The following PNLDC1 variants were observed in gnomAD, a reference collection of about 807,000 sequenced individuals.
PNLDC1 encodes poly(A)-specific ribonuclease PNLDC1.
In PNLDC1, 70 loss-of-function variants were observed where a neutral mutation model predicts 82.0. That is an observed-to-expected ratio of 0.85 (90% CI 0.70 to 1.04). The LOEUF is 1.04. Among genes scored for constraint, PNLDC1 ranks in the 50% least tolerant of loss-of-function variants. The pLI is 0.00. For missense variants in PNLDC1, 631 were observed against 661.1 expected (o/e 0.95, Z 0.50); for synonymous variants, 280 against 249.3 (o/e 1.12, Z -1.16).
intron 7 of PNLDC1, among the ~76,000 whole-genome samples, chr6:159,807,256 C>G (rs184784424): frequency 6.6e-6 from 1 of 152,250 alleles, no homozygotes; most frequent in Non-Finnish European, 1.5e-5. Context: ...GTTTCACAAT[C>G]ATTTTCTCAA....
At chr6:159,820,366 G>C (rs1781998516) in intron 18 of PNLDC1, 88 bp from the exon 19 acceptor site, 3 of 1,253,008 alleles carry the variant, frequency 2.4e-6, no homozygotes, top group Non-Finnish European at 3.5e-6. Context: ...TGAGTGCACG[G>C]GGCTGGGAAG....
At chr6:159,816,117 C>CCCACAACCCTCCCCACCCACCCG in intron 13 of PNLDC1, 84 bp downstream of exon 13, 5 of 1,028,538 alleles carry the variant, frequency 4.9e-6, no homozygotes, top group Non-Finnish European at 6.9e-6. Context: ...CCCTGGTTCC[C>CCCACAACCCTCCCCACCCACCCG]CCACACCCCT....
chr6:159,818,722 T>C (rs1364085477), intron 16 of PNLDC1, 68 bp downstream of exon 16: 14 of 1,468,724 alleles, frequency 9.5e-6, no homozygotes, highest in Middle Eastern at 1.7e-4. Flanking sequence ...AAGCGGCCAG[T>C]GCTCTCTGGG....
Position 159,800,772 on chromosome 6 carries a change from G to A in PNLDC1, c.77G>A (p.Gly26Asp), listed in dbSNP as rs751115180. ...CTGCTATTTTTTGCCTTCCTGGCAG[G>A]TCTGGACATAGAGTTCACGGGCCTT... ...QELVQEADFV[G>D]LDIEFTGLRS... Residue 26 changes from glycine to aspartate, a missense_variant and splice_region_variant, in exon 2 of 19, where the codon GGT becomes GAT. Physicochemically the swap from Gly to Asp is moderately conservative, Grantham distance 94. Coordinates refer to ENST00000392167, the MANE Select transcript of PNLDC1 (RefSeq NM_001271862.2). The A allele has an allele frequency of 1.9e-6, 3 of 1,614,222 alleles. No homozygotes were observed. Among genetic ancestry groups the A allele is most frequent in the Non-Finnish European group, 2.5e-6 (3 of 1,180,042 alleles).
rs537508425 is a variant in PNLDC1 at position 159,808,901 on chromosome 6, A to G, written c.639+85A>G. 173 of 1,591,480 alleles carry G rather than the reference A, an allele frequency of 1.1e-4. 2 individuals are homozygous for G. In the South Asian group the frequency reaches 1.5e-3, roughly 14 times the overall value. On this transcript the variant is annotated intron_variant, in intron 8 of 18. Coordinates refer to ENST00000392167, the MANE Select transcript of PNLDC1 (RefSeq NM_001271862.2). ...CAAATCTGGCCTCTGAAAAGCTTTT[A>G]TCTTGCACGCTGCTAGTTTTTCCCC... is the stretch of plus-strand genomic sequence containing the variant.
rs765662328 is a variant in PNLDC1, at chr6:159,804,054, A to G, written c.338A>G (p.Gln113Arg). The G allele has an allele frequency of 8.7e-6, 14 of 1,614,030 alleles. No individual in the cohort carries two copies. The highest frequency in any genetic ancestry group is 1.3e-5 in the African/African-American group (1 of 74,918). The change falls in exon 5 of 19, where the codon CAG becomes CGG. Residue 113 changes from glutamine to arginine, a missense_variant. Physicochemically the swap from Gln to Arg is conservative, Grantham distance 43. Coordinates refer to ENST00000392167, the MANE Select transcript of PNLDC1 (RefSeq NM_001271862.2). ...SEFSFQASSV[Q>R]FLNQYGFNYN... Reference sequence around the variant, plus strand: ...TTCTCCTTCCAGGCTTCCAGTGTTCAGTTTTTGAATCAGTATGGCTTCAAC... The same window carrying G: ...TTCTCCTTCCAGGCTTCCAGTGTTCGGTTTTTGAATCAGTATGGCTTCAAC...
chr6:159,800,291 CG>C lies in PNLDC1; in HGVS notation c.-16del. 6.5e-7 allele frequency: 1 copy of C among 1,543,570 alleles called. No homozygotes were observed. Among genetic ancestry groups the C allele is most frequent in the Non-Finnish European group, 8.7e-7 (1 of 1,143,178 alleles). On this transcript the variant is annotated 5_prime_UTR_variant, in exon 1 of 19. Coordinates refer to ENST00000392167, the MANE Select transcript of PNLDC1 (RefSeq NM_001271862.2). ...AGCACGTGATAGCGCTGGGCGACTC[CG>C]CGGAGCTGCACGGCCATGGACGTGG...
intron 11 of PNLDC1, among the ~76,000 whole-genome samples, chr6:159,813,216 T>C (rs1459156916): frequency 6.6e-6 from 1 of 152,182 alleles, no homozygotes; most frequent in Non-Finnish European, 1.5e-5. Flanking sequence ...CTATGAACTT[T>C]TAGGATTTAG....
At position 159,815,984 on chromosome 6, in the gene PNLDC1, C is replaced by A; in HGVS notation, c.1011C>A (p.Thr337=). 1 of 1,613,382 alleles carries A rather than the reference C, an allele frequency of 6.2e-7. No individual in the cohort carries two copies. Among genetic ancestry groups the A allele is most frequent in the South Asian group, 1.1e-5 (1 of 91,064 alleles). The change falls in exon 13 of 19, where the codon ACC becomes ACA. Residue 337 remains threonine (T), a synonymous_variant. Transcript: ENST00000392167. ...TTTCCAATAGTGACTTGAATCCCAC[C>A]AAGAATTCTGGACCAGAGATTGTTC... ...YEVLNSDLNP[T]KNSGPEIVHA...
intron 3 of PNLDC1, among the ~76,000 whole-genome samples, chr6:159,802,189 A>G (rs1160648903): frequency 1.3e-5 from 2 of 152,254 alleles, no homozygotes; most frequent in Non-Finnish European, 2.9e-5. Flanking sequence ...TTAGCTGTAG[A>G]GAATACATGA....
intron 4 of PNLDC1, 159 bp downstream of exon 4, chr6:159,803,469 C>A: frequency 4.6e-6 from 3 of 648,180 alleles, no homozygotes; most frequent in Non-Finnish European, 8.0e-6. Context: ...TCTGCGGATT[C>A]CAGCTTGTCT....
intron 5 of PNLDC1, 63 bp downstream of exon 5, chr6:159,804,151 C>G (rs531113510): frequency 6.3e-7 from 1 of 1,577,750 alleles, no homozygotes; most frequent in South Asian, 1.1e-5. Flanking sequence ...GAGTCTCGCT[C>G]TGTTGCCCAG....
chr6:159,811,138 A>G (rs1458965914), intron 10 of PNLDC1, among the ~76,000 whole-genome samples: 1 of 152,232 alleles, frequency 6.6e-6, no homozygotes, highest in Non-Finnish European at 1.5e-5. Context: ...ACCAAAAGGA[A>G]AAGAACTGCG....
In PNLDC1 at chr6:159,803,391, G is replaced by A. The variant is rs1015319620; in HGVS notation, c.248+81G>A. On this transcript the variant is annotated intron_variant, in intron 4 of 18. Coordinates refer to ENST00000392167, the MANE Select transcript of PNLDC1 (RefSeq NM_001271862.2). Reference sequence around the variant, plus strand: ...GCCACCTTCAAATTCTGCCTCAGGTGCCCCGATCACTTTTGCCCTGGATCT... The same window carrying A: ...GCCACCTTCAAATTCTGCCTCAGGTACCCCGATCACTTTTGCCCTGGATCT... 8 of 1,341,436 alleles carry A rather than the reference G, an allele frequency of 6.0e-6. No homozygotes were observed. In the African/African-American group the frequency reaches 7.2e-5, roughly 12 times the overall value. The allele number at this position is 1,341,436 out of a possible 1,614,324, so 83.1% of individuals were successfully genotyped here. A position where few individuals can be genotyped will look rare whatever the true frequency, so the allele number is the denominator to read the frequency against.
In PNLDC1 at chr6:159,803,998, C is replaced by G; in HGVS notation, c.282C>G (p.Phe94Leu). 1.2e-6 allele frequency: 2 copies of G among 1,613,596 alleles called. No individual in the cohort carries two copies. Among genetic ancestry groups the G allele is most frequent in the Non-Finnish European group, 1.7e-6 (2 of 1,179,512 alleles). Residue 94 changes from phenylalanine to leucine, a missense_variant, in exon 5 of 19, where the codon TTC becomes TTG. By Grantham distance (22) the Phe-to-Leu change is conservative (BLOSUM62 0). Transcript: ENST00000392167. Reference sequence around the variant, plus strand: ...CCCATTCTTGTAACTTCTATCTCTTCCCTACAACGTTTGGGATTTTGGACT... The same window carrying G: ...CCCATTCTTGTAACTTCTATCTCTTGCCTACAACGTTTGGGATTTTGGACT... ...YIAHSCNFYL[F>L]PTTFGILDSE... is the part of the protein sequence containing the mutation.
Position 159,804,024 on chromosome 6 carries a change from C to A in PNLDC1, c.308C>A (p.Ser103Ter), listed in dbSNP as rs1241178488. ...LFPTTFGILD[S>*]EFSFQASSVQ... ...CCTACAACGTTTGGGATTTTGGACT[C>A]AGAATTCTCCTTCCAGGCTTCCAGT... The change falls in exon 5 of 19, where the codon TCA (serine) becomes TAA (stop). Residue 103 changes from serine to a stop codon, truncating the protein, a stop_gained. Coordinates refer to ENST00000392167, the MANE Select transcript of PNLDC1 (RefSeq NM_001271862.2). LOFTEE classifies it high-confidence loss of function. The A allele has an allele frequency of 3.7e-6, 6 of 1,613,852 alleles. No individual in the cohort carries two copies. The highest frequency in any genetic ancestry group is 5.1e-6 in the Non-Finnish European group (6 of 1,179,842).
At chr6:159,807,238 A>T (rs1178936638) in intron 7 of PNLDC1, among the ~76,000 whole-genome samples, 2 of 152,062 alleles carry the variant, frequency 1.3e-5, no homozygotes, top group African/African-American at 2.4e-5. Context: ...GGTTGCTTAG[A>T]CTTGAAGGTT....
intron 12 of PNLDC1, among the ~76,000 whole-genome samples, chr6:159,815,501 G>T (rs757515626): frequency 6.6e-6 from 1 of 152,162 alleles, no homozygotes; most frequent in African/African-American, 2.4e-5. Flanking sequence ...TTGCCTGCTC[G>T]AAATGCCTGC....
rs1413274093 is a variant in PNLDC1 at position 159,817,272 on chromosome 6, T to C, written c.1157+121T>C. On this transcript the variant is annotated intron_variant, in intron 15 of 18. Coordinates refer to ENST00000392167, the MANE Select transcript of PNLDC1 (RefSeq NM_001271862.2). Reference sequence around the variant, plus strand: ...ACCAAAGAAGGGAGAATGTGAGGTGTCACTGGTATAGAAATCTTGTCCCTG... The same window carrying C: ...ACCAAAGAAGGGAGAATGTGAGGTGCCACTGGTATAGAAATCTTGTCCCTG... The C allele has an allele frequency of 3.7e-5, 35 of 942,352 alleles. No individual in the cohort carries two copies. The Admixed American group carries it at 6.2e-4, about 17-fold the overall frequency. 58.4% of individuals were successfully genotyped at this position (942,352 alleles called of 1,614,324 possible).
Sources: allele counts gnomAD v4.1 joint callset (sites outside exome capture counted in the v4.1 genomes callset), GRCh38; gene constraint gnomAD v4.1.1; transcripts MANE v1.5; gene names NCBI Gene and HGNC (gene_info 2026-07-23, HGNC 2026-07-21).